The following KCNK10 variants were observed in gnomAD, a reference collection of about 807,000 sequenced individuals.
KCNK10 encodes the protein potassium channel subfamily K member 10.
Under a neutral mutation model 47.7 loss-of-function variants are expected in KCNK10, and 25 were observed. The observed-to-expected ratio is 0.52, with a 90% CI of 0.38 to 0.73. The LOEUF (loss-of-function observed/expected upper bound fraction) is 0.73, where lower values mean the gene tolerates loss of function less well. Ranked by LOEUF, KCNK10 falls within the 30% of genes least tolerant of loss-of-function variation. KCNK10 has a pLI of 0.00. For synonymous variants in KCNK10, 303 were observed against 285.6 expected (o/e 1.06, Z -0.61); for missense variants, 563 against 714.5 (o/e 0.79, Z 2.42).
chr14:88,214,081 A>G (rs944071728), intron 4 of KCNK10, among the ~76,000 whole-genome samples: 1 of 152,010 alleles, frequency 6.6e-6, no homozygotes, highest in African/African-American at 2.4e-5. Flanking sequence ...CTGGGATTAC[A>G]GGCATGCACC....
At chr14:88,317,608 G>GT (rs1888455372) in intron 1 of KCNK10, among the ~76,000 whole-genome samples, 2 of 152,232 alleles carry the variant, frequency 1.3e-5, no homozygotes, top group South Asian at 4.1e-4. Flanking sequence ...TGTCATGGAC[G>GT]TAAGCATCAA....
At position 88,268,319 on chromosome 14, in the gene KCNK10, C is replaced by A. The variant is rs1210093709; in HGVS notation, c.53-4768G>T. ...GGGAGCAACGTACCCGCAGTGCAAG[C>A]CCAGCTGTGGAGATCAGGGCAGCAG... On this transcript the variant is annotated intron_variant, in intron 1 of 6. Coordinates refer to ENST00000319231, the MANE Select transcript of KCNK10 (RefSeq NM_138317.3). 2.6e-5 allele frequency among the ~76,000 whole-genome samples: 4 copies of A among 152,192 alleles called. No individual in the cohort carries two copies. The East Asian group carries it at 7.7e-4, about 29-fold the overall frequency.
At position 88,207,805 on chromosome 14, in the gene KCNK10, A is replaced by C. The variant is rs570617981; in HGVS notation, c.682-15395T>G. On this transcript the variant is annotated intron_variant, in intron 4 of 6. Coordinates refer to ENST00000319231, the MANE Select transcript of KCNK10 (RefSeq NM_138317.3). ...TAGGCTGATGGGGATGCCCACCATC[A>C]ATACAGTGAGATGAATGTTATTCTT... Among the ~76,000 whole-genome samples the C allele has an allele frequency of 8.5e-5, 13 of 152,288 alleles. No homozygotes were observed. The South Asian group carries it at 2.5e-3, about 29-fold the overall frequency.
Position 88,180,766 on chromosome 14 carries a change from A to T in KCNK10, c.*4769T>A. The T allele has an allele frequency of 2.5e-6, 1 of 398,762 alleles. No individual in the cohort carries two copies. The allele number at this position is 398,762 out of a possible 1,614,324, so 24.7% of individuals were successfully genotyped here. ...GAGAGAACTGAGGTTTACATGGAGT[A>T]TGGATGGGTTGGTGAAGTCCAATGA... On this transcript the variant is annotated 3_prime_UTR_variant, in exon 7 of 7. Coordinates refer to ENST00000319231, the MANE Select transcript of KCNK10 (RefSeq NM_138317.3).
At chr14:88,293,005 C>G (rs1887913671) in intron 1 of KCNK10, among the ~76,000 whole-genome samples, 1 of 151,900 alleles carries the variant, frequency 6.6e-6, no homozygotes, top group South Asian at 2.1e-4. Flanking sequence ...AAAAAAAGTA[C>G]AATTTTTATT....
chr14:88,208,587 A>T (rs1011311591), intron 4 of KCNK10, among the ~76,000 whole-genome samples: 1 of 152,188 alleles, frequency 6.6e-6, no homozygotes, highest in African/African-American at 2.4e-5. Flanking sequence ...TGGCATTTAC[A>T]TGTCATGTAC....
chr14:88,318,613 T>G (rs1380171821), intron 1 of KCNK10, among the ~76,000 whole-genome samples: 1 of 152,034 alleles, frequency 6.6e-6, no homozygotes. Flanking sequence ...TTATAAGCAG[T>G]GGGAATTCCA....
In KCNK10 at chr14:88,186,342, G is replaced by A. The variant is rs1472588888; in HGVS notation, c.1012-187C>T. Among the ~76,000 whole-genome samples, 2 of 152,136 alleles carry A rather than the reference G, an allele frequency of 1.3e-5. No individual in the cohort carries two copies. Among genetic ancestry groups the A allele is most frequent in the Non-Finnish European group, 2.9e-5 (2 of 68,026 alleles). ...CCACCTGGACACCCATCCCTAATTG[G>A]CTAGTAAATAAGGTGGCTCAGGGAG... On this transcript the variant is annotated intron_variant, in intron 6 of 6. Transcript: ENST00000319231. The surrounding 1 kb of genome is among the most constrained non-coding windows in gnomAD (Gnocchi z 5.5).
chr14:88,300,600 C>T (rs1254656706), intron 1 of KCNK10, among the ~76,000 whole-genome samples: 3 of 152,176 alleles, frequency 2.0e-5, no homozygotes, highest in African/African-American at 4.8e-5. Context: ...GAAGCACCTG[C>T]TCACTACGTA....
chr14:88,275,961 C>T (rs572197465), intron 1 of KCNK10, among the ~76,000 whole-genome samples: 19 of 152,080 alleles, frequency 1.2e-4, no homozygotes, highest in African/African-American at 4.1e-4. Flanking sequence ...AGAGAGAAGC[C>T]CCCAGAAGCT....
intron 3 of KCNK10, among the ~76,000 whole-genome samples, chr14:88,239,372 A>T (rs1595098392): frequency 6.6e-6 from 1 of 152,232 alleles, no homozygotes; most frequent in African/African-American, 2.4e-5. Flanking sequence ...GCTGAGTGCC[A>T]AGAGTTATCA....
At chr14:88,213,719 T>C (rs1441543568) in intron 4 of KCNK10, among the ~76,000 whole-genome samples, 1 of 152,030 alleles carries the variant, frequency 6.6e-6, no homozygotes, top group Non-Finnish European at 1.5e-5. Flanking sequence ...CTATCAGAGA[T>C]GTTTTAAGAG....
At chr14:88,195,174 T>C (rs149560352) in intron 4 of KCNK10, among the ~76,000 whole-genome samples, 31 of 152,214 alleles carry the variant, frequency 2.0e-4, no homozygotes, top group Non-Finnish European at 3.7e-4. Flanking sequence ...AAAACCATAG[T>C]AGTGTTTAAG....
chr14:88,292,443 G>T (rs939397623), intron 1 of KCNK10, among the ~76,000 whole-genome samples: 1 of 151,046 alleles, frequency 6.6e-6, no homozygotes, highest in African/African-American at 2.4e-5. Flanking sequence ...TCTGCCTCCC[G>T]GGTTCAAGCG....
At chr14:88,271,729 G>T (rs1887410281) in intron 1 of KCNK10, among the ~76,000 whole-genome samples, 2 of 152,008 alleles carry the variant, frequency 1.3e-5, no homozygotes, top group Non-Finnish European at 2.9e-5. Flanking sequence ...CTCTGACTGG[G>T]GCCAAACTGC....
At chr14:88,268,877 C>T (rs1280626153) in intron 1 of KCNK10, among the ~76,000 whole-genome samples, 1 of 152,196 alleles carries the variant, frequency 6.6e-6, no homozygotes, top group Non-Finnish European at 1.5e-5. Context: ...AGAATATCTG[C>T]ATGGCTGGGC....
At chr14:88,249,379 C>T (rs1187723866) in intron 2 of KCNK10, among the ~76,000 whole-genome samples, 1 of 152,150 alleles carries the variant, frequency 6.6e-6, no homozygotes, top group Non-Finnish European at 1.5e-5. Context: ...TATGTTAAGA[C>T]ACAAAGCCCT....
At chr14:88,190,749 C>G (rs369945337) in intron 5 of KCNK10, among the ~76,000 whole-genome samples, 4 of 152,210 alleles carry the variant, frequency 2.6e-5, no homozygotes, top group African/African-American at 9.6e-5. Flanking sequence ...CTTTGTCTGC[C>G]CAATTGGAAG....
intron 4 of KCNK10, among the ~76,000 whole-genome samples, chr14:88,210,490 A>C (rs1261897510): frequency 1.3e-5 from 2 of 152,256 alleles, no homozygotes; most frequent in Non-Finnish European, 2.9e-5. Flanking sequence ...GATTGGGTGA[A>C]TAAAAGGATT....
Sources: allele counts gnomAD v4.1 joint callset (sites outside exome capture counted in the v4.1 genomes callset), GRCh38; gene constraint gnomAD v4.1.1; non-coding constraint Gnocchi (gnomAD v3.1); transcripts MANE v1.5; gene names NCBI Gene and HGNC (gene_info 2026-07-23, HGNC 2026-07-21).